Variants in ARB2A observed in about 807,000 individuals in gnomAD.
ARB2A encodes the protein ARB2 cotranscriptional regulator A.
At chr5:94,015,826 A>G in the ARB2A span, among the ~76,000 whole-genome samples, 2 of 152,196 alleles carry the variant, frequency 1.3e-5, no homozygotes, top group Non-Finnish European at 1.5e-5. Flanking sequence ...AAATTAAAAC[A>G]CACTACCAGG....
chr5:93,856,891 T>C, the ARB2A span, among the ~76,000 whole-genome samples: 1 of 152,002 alleles, frequency 6.6e-6, no homozygotes, highest in African/African-American at 2.4e-5. Flanking sequence ...TTCTGCTCTG[T>C]TTTTTCCCCA....
chr5:93,881,984 A>C, the ARB2A span, among the ~76,000 whole-genome samples: 2 of 151,376 alleles, frequency 1.3e-5, no homozygotes, highest in African/African-American at 4.8e-5. Flanking sequence ...AGAACCCAAA[A>C]ATGACTGAAA....
At chr5:94,005,276 TTACTG>T in the ARB2A span, among the ~76,000 whole-genome samples, 2 of 152,164 alleles carry the variant, frequency 1.3e-5, no homozygotes, top group Non-Finnish European at 2.9e-5. Context: ...TGATCTCAGC[TTACTG>T]CAACCTTTGC....
the ARB2A span, among the ~76,000 whole-genome samples, chr5:94,039,516 A>G: frequency 6.6e-6 from 1 of 152,230 alleles, no homozygotes; most frequent in African/African-American, 2.4e-5. Flanking sequence ...AAGGGGAGGC[A>G]GGAATGATGT....
the ARB2A span, among the ~76,000 whole-genome samples, chr5:93,672,165 A>G: frequency 1.3e-5 from 2 of 152,194 alleles, no homozygotes; most frequent in African/African-American, 2.4e-5. Flanking sequence ...AACAATCCCA[A>G]GTCTCTTCCT....
At chr5:93,851,213 G>A in the ARB2A span, among the ~76,000 whole-genome samples, 1 of 152,126 alleles carries the variant, frequency 6.6e-6, no homozygotes, top group Non-Finnish European at 1.5e-5. Flanking sequence ...AAGAATAGAA[G>A]AATGAATATT....
At chr5:94,010,080 A>G in the ARB2A span, among the ~76,000 whole-genome samples, 1 of 151,804 alleles carries the variant, frequency 6.6e-6, no homozygotes, top group African/African-American at 2.4e-5. Flanking sequence ...TTCTTTCTTC[A>G]GCTTACTTTG....
the ARB2A span, among the ~76,000 whole-genome samples, chr5:94,029,416 C>T: frequency 2.0e-5 from 3 of 152,274 alleles, no homozygotes; most frequent in South Asian, 2.1e-4. Flanking sequence ...ATTATCTTTT[C>T]GTATGTCCTG....
the ARB2A span, among the ~76,000 whole-genome samples, chr5:93,834,219 G>A: frequency 6.6e-6 from 1 of 152,260 alleles, no homozygotes; most frequent in Non-Finnish European, 1.5e-5. Context: ...CTGAAGAAAC[G>A]GGAAAACCAG....
the ARB2A span, among the ~76,000 whole-genome samples, chr5:93,917,656 T>C: frequency 1.1e-3 from 169 of 152,154 alleles, 2 homozygotes; most frequent in African/African-American, 3.6e-3. Context: ...GGCGGGAGGA[T>C]TGCTTGAGTC....
At chr5:93,931,275 G>C in the ARB2A span, among the ~76,000 whole-genome samples, 1 of 152,088 alleles carries the variant, frequency 6.6e-6, no homozygotes, top group Non-Finnish European at 1.5e-5. Flanking sequence ...AGACCAGCCT[G>C]ACAACATGAT....
the ARB2A span, among the ~76,000 whole-genome samples, chr5:93,856,495 T>G: frequency 2.0e-4 from 31 of 152,354 alleles, no homozygotes; most frequent in South Asian, 3.5e-3. Flanking sequence ...TTATTCTTTT[T>G]TCTCTAAACT....
the ARB2A span, among the ~76,000 whole-genome samples, chr5:93,890,258 G>T: frequency 6.6e-6 from 1 of 151,652 alleles, no homozygotes; most frequent in East Asian, 1.9e-4. Context: ...GTGCTATTTA[G>T]CCAGGAAACT....
At chr5:93,780,020 C>T in the ARB2A span, among the ~76,000 whole-genome samples, 2 of 152,126 alleles carry the variant, frequency 1.3e-5, no homozygotes, top group Non-Finnish European at 2.9e-5. Flanking sequence ...AAGAGAAAAG[C>T]AGGTAGTAGC....
At chr5:93,899,968 A>C in the ARB2A span, among the ~76,000 whole-genome samples, 6 of 152,178 alleles carry the variant, frequency 3.9e-5, no homozygotes, top group Non-Finnish European at 8.8e-5. Context: ...GAAACCATTC[A>C]AGTGATAATA....
the ARB2A span, among the ~76,000 whole-genome samples, chr5:93,810,076 T>G: frequency 6.6e-6 from 1 of 152,092 alleles, no homozygotes; most frequent in Non-Finnish European, 1.5e-5. Flanking sequence ...GTATGTTGTT[T>G]AGCCTGCCAA....
the ARB2A span, among the ~76,000 whole-genome samples, chr5:94,033,235 C>T: frequency 6.6e-6 from 1 of 152,056 alleles, no homozygotes; most frequent in Non-Finnish European, 1.5e-5. Context: ...TATACTAATA[C>T]AGTTTACCCC....
At chr5:94,056,330 A>G in the ARB2A span, among the ~76,000 whole-genome samples, 8 of 152,222 alleles carry the variant, frequency 5.3e-5, no homozygotes, top group African/African-American at 1.9e-4. Flanking sequence ...TCAACTAGAG[A>G]ACCTGATATA....
At chr5:94,053,307 A>G in the ARB2A span, 1 of 785,056 alleles carries the variant, frequency 1.3e-6, no homozygotes, top group Non-Finnish European at 2.0e-6. Context: ...TTTAATTTAA[A>G]GTATTCTTTG....
Sources: allele counts gnomAD v4.1 joint callset (sites outside exome capture counted in the v4.1 genomes callset), GRCh38; gene constraint gnomAD v4.1.1; transcripts MANE v1.5; gene names NCBI Gene and HGNC (gene_info 2026-07-23, HGNC 2026-07-21).